CEACAM3: variants seen among roughly 807,000 people sequenced by gnomAD.
CEACAM3 encodes cell adhesion molecule CEACAM3.
In CEACAM3, 32 loss-of-function variants were observed where a neutral mutation model predicts 30.1. The ratio of observed to expected loss-of-function variants is 1.06; its 90% CI spans 0.80 to 1.43. The LOEUF is 1.43. Ranked by LOEUF, CEACAM3 falls within the 40% of genes most tolerant of loss-of-function variation. CEACAM3 has a pLI of 0.00. For synonymous variants in CEACAM3, 134 were observed against 127.2 expected, an observed-to-expected ratio of 1.05 and a Z score of -0.36; for missense variants, 290 against 316.3, an observed-to-expected ratio of 0.92 and a Z score of 0.63.
At chr19:41,800,008 C>A (rs1387821720) in intron 2 of CEACAM3, among the ~76,000 whole-genome samples, 1 of 151,960 alleles carries the variant, frequency 6.6e-6, no homozygotes, top group African/African-American at 2.4e-5. Flanking sequence ...GTCACCCAGG[C>A]GCCGAGGCAA....
At chr19:41,804,769 A>G (rs913351565) in intron 2 of CEACAM3, among the ~76,000 whole-genome samples, 26 of 152,136 alleles carry the variant, frequency 1.7e-4, no homozygotes, top group Non-Finnish European at 4.4e-5. Flanking sequence ...CAACCAATTG[A>G]CCTCAGACCT....
At chr19:41,803,264 A>G (rs2073166518) in intron 2 of CEACAM3, among the ~76,000 whole-genome samples, 1 of 152,126 alleles carries the variant, frequency 6.6e-6, no homozygotes, top group Non-Finnish European at 1.5e-5. Context: ...GACAGAACCA[A>G]AAGAAATGCT....
chr19:41,799,281 C>T (rs1163895358), intron 2 of CEACAM3, among the ~76,000 whole-genome samples: 1 of 152,098 alleles, frequency 6.6e-6, no homozygotes, highest in Non-Finnish European at 1.5e-5. Context: ...ACTTTGAGTG[C>T]ACAGGAGATC....
At chr19:41,796,813 T>C (rs2073106303) in intron 1 of CEACAM3, 72 bp downstream of exon 1, 1 of 1,510,732 alleles carries the variant, frequency 6.6e-7, no homozygotes, top group South Asian at 1.3e-5. Context: ...CTGGGGAGGA[T>C]GGGGCTCTGA....
rs782517807 is a variant in CEACAM3 at position 41,810,857 on chromosome 19, C to A, written c.653C>A (p.Ala218Asp). Residue 218 changes from alanine to aspartate, a missense_variant, in exon 6 of 7, where the codon GCC (alanine) becomes GAC (aspartate). Coordinates refer to ENST00000357396, the MANE Select transcript of CEACAM3 (RefSeq NM_001815.5). ...ATGTCCCCTCTCTCCACTGCCCAGG[C>A]CCCCCTACCCAACCCCAGGACAGCA... ...FSMSPLSTAQ[A>D]PLPNPRTAAS... is the part of the protein sequence containing the mutation. 4 of 1,613,166 alleles carry A rather than the reference C, an allele frequency of 2.5e-6. No homozygotes were observed. Among genetic ancestry groups the A allele is most frequent in the East Asian group, 2.2e-5 (1 of 44,868 alleles).
chr19:41,807,939 G>A (rs545297540), intron 2 of CEACAM3, among the ~76,000 whole-genome samples: 3 of 152,234 alleles, frequency 2.0e-5, no homozygotes, highest in Admixed American at 2.0e-4. Flanking sequence ...CCCCAACATC[G>A]CAGTGGATAA....
chr19:41,805,863 G>A (rs928505025), intron 2 of CEACAM3, among the ~76,000 whole-genome samples: 4 of 152,150 alleles, frequency 2.6e-5, no homozygotes, highest in East Asian at 3.8e-4. Context: ...TAAGTTCCAC[G>A]GAGTCCTCAC....
intron 6 of CEACAM3, 35 bp downstream of exon 6, chr19:41,810,932 GC>G: frequency 6.3e-7 from 1 of 1,581,802 alleles, no homozygotes; most frequent in African/African-American, 1.4e-5. Context: ...GGTCCCACAG[GC>G]CCCAGGGGAC....
At position 41,808,842 on chromosome 19, in the gene CEACAM3, G is replaced by T. The variant is rs782101647; in HGVS notation, c.454G>T (p.Ala152Ser). The change falls in exon 3 of 7, where the codon GCC (alanine) becomes TCC (serine). Residue 152 changes from alanine (A) to serine (S), a missense_variant. By Grantham distance (99) the Ala-to-Ser change is moderately conservative. Coordinates refer to ENST00000357396, the MANE Select transcript of CEACAM3 (RefSeq NM_001815.5). ...AAATGCCCCAGGCCTTCCTGTGGGG[G>T]CCGTCGCCGGCATCGTGACCGGGGT... ...QENAPGLPVG[A>S]VAGIVTGVLV... 6.2e-7 allele frequency: 1 copy of T among 1,611,898 alleles called. No individual in the cohort carries two copies. The highest frequency in any genetic ancestry group is 8.5e-7 in the Non-Finnish European group (1 of 1,178,862).
intron 2 of CEACAM3, among the ~76,000 whole-genome samples, chr19:41,804,094 A>C (rs2073179487): frequency 6.6e-6 from 1 of 151,858 alleles, no homozygotes. Flanking sequence ...AAAAAAAAAA[A>C]GAGTGGGTAA....
chr19:41,810,945 C>A, intron 6 of CEACAM3, 48 bp downstream of exon 6: 1 of 1,522,066 alleles, frequency 6.6e-7, no homozygotes, highest in Non-Finnish European at 9.1e-7. Flanking sequence ...CCAGGGGACC[C>A]AGGATCTTCC....
intron 2 of CEACAM3, chr19:41,807,082 G>A (rs782284012): frequency 5.6e-6 from 9 of 1,609,022 alleles, no homozygotes; most frequent in African/African-American, 1.3e-5. Context: ...GTGCCACACA[G>A]GGCAATCTTC....
intron 2 of CEACAM3, among the ~76,000 whole-genome samples, chr19:41,803,925 C>CA (rs1348631763): frequency 6.6e-6 from 1 of 151,814 alleles, no homozygotes; most frequent in Non-Finnish European, 1.5e-5. Flanking sequence ...ACTAAAAATA[C>CA]AAAAAATTAG....
chr19:41,810,351 C>T lies in CEACAM3; in HGVS notation c.624C>T (p.Phe208=), dbSNP rs368817066. The T allele has an allele frequency of 7.0e-5, 112 of 1,602,810 alleles. 1 individual carries two copies. Among genetic ancestry groups the T allele is most frequent in the Admixed American group, 8.6e-5 (5 of 57,942 alleles). The change falls in exon 5 of 7, where the codon TTC becomes TTT. Residue 208 remains phenylalanine (F), a synonymous_variant. Transcript: ENST00000357396. ...PGRGPSHSSA[F]SMSPLSTAQA... Reference sequence around the variant, plus strand: ...GTGGTCCCTCCCACAGCTCTGCCTTCTCGGTAAGCCTGTCCCCTTCCAGCC... The same window carrying T: ...GTGGTCCCTCCCACAGCTCTGCCTTTTCGGTAAGCCTGTCCCCTTCCAGCC...
chr19:41,810,023 T>C lies in CEACAM3; in HGVS notation c.595+6T>C, dbSNP rs1333106176. On this transcript the variant is annotated splice_donor_region_variant and intron_variant, in intron 4 of 6. Coordinates refer to ENST00000357396, the MANE Select transcript of CEACAM3 (RefSeq NM_001815.5). ...GCCCCAAGCCCTTGCCCCTGGTGAG[T>C]GTCCTCTCAGCCCAGGTGTGGCTGG... 6.8e-6 allele frequency: 11 copies of C among 1,613,372 alleles called. No individual in the cohort carries two copies. The highest frequency in any genetic ancestry group is 6.8e-6 in the Non-Finnish European group (8 of 1,179,650).
intron 2 of CEACAM3, among the ~76,000 whole-genome samples, chr19:41,806,582 A>G (rs2073201974): frequency 1.3e-5 from 2 of 152,210 alleles, no homozygotes; most frequent in Non-Finnish European, 1.5e-5. Flanking sequence ...TTCTTCTTTC[A>G]CAGGCAGGCA....
intron 2 of CEACAM3, among the ~76,000 whole-genome samples, chr19:41,802,310 C>G (rs151117638): frequency 4.7e-4 from 71 of 152,326 alleles, no homozygotes; most frequent in Middle Eastern, 3.4e-3. Flanking sequence ...AGCTTGAAAT[C>G]TGTCACTCAG....
intron 2 of CEACAM3, among the ~76,000 whole-genome samples, chr19:41,800,710 G>A (rs1157978422): frequency 6.6e-6 from 1 of 152,146 alleles, no homozygotes; most frequent in African/African-American, 2.4e-5. Context: ...TCATCTGCCA[G>A]GCAGGGAAGG....
intron 2 of CEACAM3, among the ~76,000 whole-genome samples, chr19:41,806,578 T>C (rs2073201936): frequency 6.6e-6 from 1 of 152,208 alleles, no homozygotes; most frequent in Non-Finnish European, 1.5e-5. Context: ...TCTCTTCTTC[T>C]TTCACAGGCA....
Sources: gnomAD v4.1 joint callset for allele counts (sites outside exome capture counted in the v4.1 genomes callset) on GRCh38, gnomAD v4.1.1 for gene constraint, MANE v1.5 for transcripts, NCBI Gene and HGNC (gene_info 2026-07-23, HGNC 2026-07-21) for gene names.